Variants in EMSY observed in about 807,000 individuals in gnomAD.
EMSY encodes the protein EMSY transcriptional repressor, BRCA2 interacting.
Under a neutral mutation model 134.6 loss-of-function variants are expected in EMSY, and 26 were observed. The ratio of observed to expected loss-of-function variants is 0.19; its 90% CI spans 0.14 to 0.27. The LOEUF is 0.27. Ranked by LOEUF, EMSY falls within the 10% of genes least tolerant of loss-of-function variation. The probability of loss-of-function intolerance (pLI) is 1.00; values close to 1 mark genes in which losing one functional copy is unlikely to be tolerated. For missense variants in EMSY, 1,305 were observed against 1,611.4 expected (o/e 0.81, Z 3.26); for synonymous variants, 579 against 577.8 (o/e 1.00, Z -0.03).
intron 8 of EMSY, among the ~76,000 whole-genome samples, chr11:76,492,038 C>T (rs543567864): frequency 6.6e-6 from 1 of 152,316 alleles, no homozygotes; most frequent in African/African-American, 2.4e-5. Flanking sequence ...GGGACTGTTC[C>T]ATGGATACCA....
At chr11:76,446,586 C>A (rs1456150107) in intron 1 of EMSY, among the ~76,000 whole-genome samples, 3 of 152,004 alleles carry the variant, frequency 2.0e-5, no homozygotes, top group Non-Finnish European at 4.4e-5. Context: ...TTCTTTAATA[C>A]GCGTAACAAA....
chr11:76,459,437 AGTT>A (rs1310107402), intron 5 of EMSY: 2 of 153,828 alleles, frequency 1.3e-5, no homozygotes, highest in Non-Finnish European at 2.9e-5. Context: ...ATTTTAGTTG[AGTT>A]GTTGTGCTGC....
At chr11:76,445,630 T>A (rs1268463926) in intron 1 of EMSY, among the ~76,000 whole-genome samples, 1 of 152,122 alleles carries the variant, frequency 6.6e-6, no homozygotes, top group Non-Finnish European at 1.5e-5. Context: ...TACAAGATCC[T>A]GGTTCCCCGA....
intron 8 of EMSY, among the ~76,000 whole-genome samples, chr11:76,485,081 G>A (rs7948998): frequency 7.2e-5 from 11 of 152,028 alleles, no homozygotes; most frequent in African/African-American, 1.4e-4. Context: ...AAAAAAGCCC[G>A]GGACCAGATG....
At chr11:76,542,787 CAT>C (rs974451201) in intron 18 of EMSY, among the ~76,000 whole-genome samples, 1 of 141,780 alleles carries the variant, frequency 7.1e-6, no homozygotes, top group African/African-American at 2.6e-5. Context: ...AATGAATCCT[CAT>C]AGTAACATTA....
At chr11:76,460,329 G>C in intron 6 of EMSY, 1 of 365,050 alleles carries the variant, frequency 2.7e-6, no homozygotes, top group Non-Finnish European at 4.9e-6. Flanking sequence ...TTTGAACTGT[G>C]TTATCCTTAA....
In EMSY at chr11:76,544,208, A is replaced by G; in HGVS notation, c.2710-51A>G. ...TTTTCAGTTAAGAGGAAAATGTAGC[A>G]ATGTAGATGTTTTTCTTATTTCATT... On this transcript the variant is annotated intron_variant, in intron 18 of 20. Transcript: ENST00000334736. The G allele has an allele frequency of 2.7e-6, 4 of 1,491,336 alleles. No individual in the cohort carries two copies. In the South Asian group the frequency reaches 5.1e-5, roughly 19 times the overall value. The allele number at this position is 1,491,336 out of a possible 1,614,324, so 92.4% of individuals were successfully genotyped here.
chr11:76,503,323 A>AT (rs1555060666), intron 9 of EMSY, among the ~76,000 whole-genome samples: 202 of 143,198 alleles, frequency 1.4e-3, no homozygotes, highest in African/African-American at 5.4e-3. Context: ...AAAAAAAAAA[A>AT]GAAGAAGAAG....
intron 2 of EMSY, among the ~76,000 whole-genome samples, chr11:76,451,599 A>G (rs148323527): frequency 3.9e-5 from 6 of 152,314 alleles, no homozygotes; most frequent in East Asian, 1.9e-4. Context: ...TTTAGTGACA[A>G]TGTGTGAAAC....
chr11:76,482,707 G>A (rs1949027315), intron 8 of EMSY, among the ~76,000 whole-genome samples: 1 of 152,126 alleles, frequency 6.6e-6, no homozygotes, highest in South Asian at 2.1e-4. Flanking sequence ...GAGAAAAAAA[G>A]GATGAAAAGG....
chr11:76,546,795 A>G lies in EMSY; in HGVS notation c.3774+498A>G, dbSNP rs77400269. On this transcript the variant is annotated intron_variant, in intron 20 of 20. Transcript: ENST00000334736. ...TCAGGACAATCAAACCTCAACTGCA[A>G]TGTCTGGAGAGACATGTTCTAAGGT... 3.6e-4 allele frequency among the ~76,000 whole-genome samples: 55 copies of G among 152,340 alleles called. 1 individual carries two copies. In the East Asian group the frequency reaches 0.01, roughly 28 times the overall value.
At chr11:76,503,848 G>A (rs1007392849) in intron 9 of EMSY, among the ~76,000 whole-genome samples, 1 of 152,124 alleles carries the variant, frequency 6.6e-6, no homozygotes, top group Non-Finnish European at 1.5e-5. Flanking sequence ...GTAGTGGCAC[G>A]GTCTTGGCTC....
chr11:76,456,550 G>C (rs920289854), intron 4 of EMSY, among the ~76,000 whole-genome samples: 2 of 152,154 alleles, frequency 1.3e-5, no homozygotes, highest in Non-Finnish European at 2.9e-5. Flanking sequence ...ATGCTGAATA[G>C]CTTTTAGAAT....
intron 1 of EMSY, among the ~76,000 whole-genome samples, chr11:76,445,423 G>A (rs1947336666): frequency 6.6e-6 from 1 of 152,178 alleles, no homozygotes; most frequent in Non-Finnish European, 1.5e-5. Context: ...GTGAGGCGCG[G>A]GTGCCGGCCG....
intron 4 of EMSY, 42 bp from the exon 6 acceptor site, chr11:76,458,141 G>A: frequency 6.5e-7 from 1 of 1,527,870 alleles, no homozygotes; most frequent in Non-Finnish European, 8.8e-7. Context: ...TTTGTTTTTA[G>A]TGATTGAAAA....
At chr11:76,493,213 G>C (rs1311440556) in intron 8 of EMSY, among the ~76,000 whole-genome samples, 1 of 152,212 alleles carries the variant, frequency 6.6e-6, no homozygotes, top group Non-Finnish European at 1.5e-5. Flanking sequence ...GGGTGGCACT[G>C]ACGTGCCAGC....
chr11:76,495,149 C>T (rs558351079), intron 8 of EMSY, among the ~76,000 whole-genome samples: 286 of 152,332 alleles, frequency 1.9e-3, no homozygotes, highest in African/African-American at 6.6e-3. Flanking sequence ...TCTAGAGAGT[C>T]ATAGCGACTT....
chr11:76,486,138 A>G (rs577184548), intron 8 of EMSY, among the ~76,000 whole-genome samples: 47 of 152,210 alleles, frequency 3.1e-4, no homozygotes, highest in Non-Finnish European at 5.6e-4. Context: ...ATTCTTGGCA[A>G]ACTAACACAG....
intron 3 of EMSY, 141 bp from the exon 4 acceptor site, chr11:76,453,173 A>G: frequency 1.7e-6 from 1 of 596,666 alleles, no homozygotes. Flanking sequence ...GAAGATATAT[A>G]TATTAGACTC....
Sources: gnomAD v4.1 joint callset for allele counts (sites outside exome capture counted in the v4.1 genomes callset) on GRCh38, gnomAD v4.1.1 for gene constraint, MANE v1.5 for transcripts, NCBI Gene and HGNC (gene_info 2026-07-23, HGNC 2026-07-21) for gene names.